NKAIN3: variants seen among roughly 807,000 people sequenced by gnomAD.
NKAIN3 encodes sodium/potassium transporting ATPase interacting 3.
NKAIN3 carries 25 observed loss-of-function variants against 30.2 expected under a neutral mutation model. The observed-to-expected ratio is 0.83, with a 90% CI of 0.60 to 1.16. NKAIN3 has a LOEUF of 1.16. Ranked by LOEUF, NKAIN3 falls within the 50% of genes most tolerant of loss-of-function variation. The pLI is 0.00. For synonymous variants in NKAIN3, 91 were observed against 89.6 expected (o/e 1.02, Z -0.09); for missense variants, 225 against 254.1 (o/e 0.89, Z 0.78).
At chr8:62,442,321 G>A (rs1163969390) in intron 1 of NKAIN3, among the ~76,000 whole-genome samples, 1 of 151,542 alleles carries the variant, frequency 6.6e-6, no homozygotes, top group Admixed American at 6.6e-5. Flanking sequence ...ACTAGTTTTG[G>A]CATTTTATAT....
chr8:62,646,965 C>G (rs1195290299), intron 3 of NKAIN3, among the ~76,000 whole-genome samples: 11 of 152,102 alleles, frequency 7.2e-5, no homozygotes, highest in Admixed American at 7.2e-4. Flanking sequence ...AAGGCCCTGG[C>G]AAGCAACTTG....
intron 1 of NKAIN3, among the ~76,000 whole-genome samples, chr8:62,454,324 T>A (rs75055436): frequency 8.4e-4 from 40 of 47,840 alleles, no homozygotes; most frequent in Admixed American, 1.7e-3. Context: ...AAAAAAAAAA[T>A]CTGAAAATCT....
chr8:62,956,506 C>T (rs1048568687), intron 6 of NKAIN3, among the ~76,000 whole-genome samples: 1 of 152,146 alleles, frequency 6.6e-6, no homozygotes, highest in Non-Finnish European at 1.5e-5. Flanking sequence ...TTGAGTGTGT[C>T]ACTGCTCATA....
chr8:62,610,993 C>T (rs1314562701), intron 3 of NKAIN3, among the ~76,000 whole-genome samples: 1 of 151,968 alleles, frequency 6.6e-6, no homozygotes, highest in Non-Finnish European at 1.5e-5. Context: ...AGTTGATGTA[C>T]TTCTAATAGA....
intron 1 of NKAIN3, among the ~76,000 whole-genome samples, chr8:62,391,597 G>A (rs56995369): frequency 0.14 from 20,892 of 151,958 alleles, 1,725 homozygotes; most frequent in East Asian, 0.4. Flanking sequence ...TAGGAAAATT[G>A]TGAGATTCTC....
intron 5 of NKAIN3, among the ~76,000 whole-genome samples, chr8:62,993,493 T>A (rs73684320): frequency 0.022 from 3,412 of 152,282 alleles, 112 homozygotes; most frequent in African/African-American, 0.073. Flanking sequence ...TATGTAAACC[T>A]GGAGAGTAAA....
At chr8:62,556,833 T>C (rs1232743861) in intron 1 of NKAIN3, among the ~76,000 whole-genome samples, 2 of 152,036 alleles carry the variant, frequency 1.3e-5, no homozygotes, top group African/African-American at 2.4e-5. Context: ...CACCATCCTA[T>C]TGGACTATTT....
rs553300171 is a variant in NKAIN3 at position 62,334,310 on chromosome 8, C to T, written c.54+85183C>T. Among the ~76,000 whole-genome samples the T allele has an allele frequency of 7.9e-4, 120 of 152,146 alleles. 2 individuals are homozygous for T. The highest frequency in any genetic ancestry group is 3.3e-3 in the Admixed American group (50 of 15,282). ...CAGAGCCATGCTCTAGGGAAAGATTCCTTCTTTGTTTCTGGTGGTTGTCAG... is the reference window on the plus strand; with the variant it reads ...CAGAGCCATGCTCTAGGGAAAGATTTCTTCTTTGTTTCTGGTGGTTGTCAG... On this transcript the variant is annotated intron_variant, in intron 1 of 6. Transcript: ENST00000623646.
chr8:62,646,559 A>C (rs1048075500), intron 3 of NKAIN3, among the ~76,000 whole-genome samples: 1 of 152,186 alleles, frequency 6.6e-6, no homozygotes, highest in Admixed American at 6.5e-5. Flanking sequence ...TCTAATGTTT[A>C]TAATAAACCA....
chr8:62,543,463 G>A (rs1808906866), intron 1 of NKAIN3, among the ~76,000 whole-genome samples: 1 of 152,174 alleles, frequency 6.6e-6, no homozygotes, highest in South Asian at 2.1e-4. Context: ...AACAGATGAT[G>A]TTGCTCAATA....
intron 1 of NKAIN3, among the ~76,000 whole-genome samples, chr8:62,451,971 T>G (rs1805654700): frequency 6.6e-6 from 1 of 152,158 alleles, no homozygotes; most frequent in South Asian, 2.1e-4. Context: ...TTTTCCAGGA[T>G]ATATCAATAG....
At chr8:62,422,381 T>C (rs146568363) in intron 1 of NKAIN3, among the ~76,000 whole-genome samples, 193 of 152,256 alleles carry the variant, frequency 1.3e-3, no homozygotes, top group African/African-American at 4.5e-3. Context: ...TCTAACAGAA[T>C]TGGAATGTGA....
At chr8:62,883,646 G>A (rs58873669) in intron 4 of NKAIN3, among the ~76,000 whole-genome samples, 6 of 151,824 alleles carry the variant, frequency 4.0e-5, no homozygotes, top group African/African-American at 1.5e-4. Flanking sequence ...GATCTTAGCA[G>A]AAAAACTTAT....
At chr8:62,431,548 A>G (rs1487701816) in intron 1 of NKAIN3, among the ~76,000 whole-genome samples, 2 of 151,914 alleles carry the variant, frequency 1.3e-5, no homozygotes, top group African/African-American at 4.8e-5. Flanking sequence ...AATGATGTGG[A>G]AATTCATGTA....
chr8:62,266,159 C>A (rs1320561168), intron 1 of NKAIN3, among the ~76,000 whole-genome samples: 2 of 152,134 alleles, frequency 1.3e-5, no homozygotes, highest in Non-Finnish European at 2.9e-5. Flanking sequence ...GAGCCCTGGA[C>A]CCCTCTCCTG....
At chr8:62,288,604 G>A (rs1813461679) in intron 1 of NKAIN3, among the ~76,000 whole-genome samples, 1 of 152,178 alleles carries the variant, frequency 6.6e-6, no homozygotes, top group African/African-American at 2.4e-5. Context: ...GTATTCCATG[G>A]TGTGTATGTG....
chr8:62,850,477 A>G (rs1207476936), intron 4 of NKAIN3, among the ~76,000 whole-genome samples: 3 of 151,938 alleles, frequency 2.0e-5, no homozygotes, highest in Non-Finnish European at 4.4e-5. Context: ...CCATTTGTCA[A>G]TTTTGGCTTT....
intron 1 of NKAIN3, among the ~76,000 whole-genome samples, chr8:62,319,239 T>C (rs1178344709): frequency 6.6e-6 from 1 of 152,212 alleles, no homozygotes; most frequent in African/African-American, 2.4e-5. Context: ...TTTATTAGTC[T>C]TGCTAGTGGT....
intron 3 of NKAIN3, among the ~76,000 whole-genome samples, chr8:62,722,608 A>G (rs1815126558): frequency 6.6e-6 from 1 of 152,202 alleles, no homozygotes; most frequent in Admixed American, 6.5e-5. Context: ...ATGATTACTT[A>G]CCGTCAAATC....
Sources: gnomAD v4.1 joint callset for allele counts (sites outside exome capture counted in the v4.1 genomes callset) on GRCh38, gnomAD v4.1.1 for gene constraint, MANE v1.5 for transcripts, NCBI Gene and HGNC (gene_info 2026-07-23, HGNC 2026-07-21) for gene names.